Variants in TTC7A observed in about 807,000 individuals in gnomAD.
The protein encoded by TTC7A is tetratricopeptide repeat protein 7A.
Under a neutral mutation model 103.7 loss-of-function variants are expected in TTC7A, and 110 were observed. The observed-to-expected ratio is 1.06, with a 90% CI of 0.91 to 1.24. The LOEUF is 1.24. Among genes scored for constraint, TTC7A ranks in the 50% most tolerant of loss-of-function variants. The pLI is 0.00. For missense variants in TTC7A, 1,340 were observed against 1,116.3 expected, an observed-to-expected ratio of 1.20 and a Z score of -2.86; for synonymous variants, 521 against 467.9, an observed-to-expected ratio of 1.11 and a Z score of -1.47.
intron 2 of TTC7A, among the ~76,000 whole-genome samples, chr2:46,933,295 G>C (rs542350618): frequency 6.6e-5 from 10 of 152,248 alleles, no homozygotes; most frequent in Non-Finnish European, 1.3e-4. Context: ...CAATCATGAA[G>C]TGAGTGGCTG....
intron 19 of TTC7A, among the ~76,000 whole-genome samples, chr2:47,069,113 G>T (rs550051515): frequency 6.6e-6 from 1 of 152,220 alleles, no homozygotes; most frequent in East Asian, 1.9e-4. Context: ...GGAGGGCTGG[G>T]CCAGGCAGTG....
intron 15 of TTC7A, among the ~76,000 whole-genome samples, chr2:47,042,093 A>G (rs937614752): frequency 6.6e-6 from 1 of 152,072 alleles, no homozygotes; most frequent in Non-Finnish European, 1.5e-5. Flanking sequence ...CAGAGAGGAG[A>G]TGATGAATAA....
At chr2:47,011,014 C>T (rs1393185189) in intron 10 of TTC7A, among the ~76,000 whole-genome samples, 1 of 152,082 alleles carries the variant, frequency 6.6e-6, no homozygotes, top group Non-Finnish European at 1.5e-5. Context: ...TTTAGAGAGC[C>T]CCTTTCTACC....
At chr2:47,034,715 C>A (rs1297932867) in intron 15 of TTC7A, among the ~76,000 whole-genome samples, 1 of 152,202 alleles carries the variant, frequency 6.6e-6, no homozygotes, top group Non-Finnish European at 1.5e-5. Context: ...TCCCCTTCCC[C>A]TCTCCACAGT....
intron 2 of TTC7A, among the ~76,000 whole-genome samples, chr2:46,930,497 ATT>A (rs575100979): frequency 8.0e-4 from 106 of 132,018 alleles, no homozygotes; most frequent in African/African-American, 2.3e-3. Context: ...AAGTCCTATA[ATT>A]TTTTTTTTTT....
Position 46,993,600 on chromosome 2 carries a change from A to C in TTC7A, c.843+72A>C, listed in dbSNP as rs142764474. Reference sequence around the variant, plus strand: ...GGTGGGAGACAACAGAAGTCCTTGCAGGGAGCCTGTGAAGCAGGGGTGGCA... The same window carrying C: ...GGTGGGAGACAACAGAAGTCCTTGCCGGGAGCCTGTGAAGCAGGGGTGGCA... On this transcript the variant is annotated intron_variant, in intron 6 of 19. Transcript: ENST00000319190. 67 of 1,461,098 alleles carry C rather than the reference A, an allele frequency of 4.6e-5. No individual in the cohort carries two copies. The East Asian group carries it at 1.5e-3, about 32-fold the overall frequency. The allele number at this position is 1,461,098 out of a possible 1,614,324, so 90.5% of individuals were successfully genotyped here.
At chr2:46,942,238 G>T (rs1670493507) in intron 1 of TTC7A, among the ~76,000 whole-genome samples, 1 of 152,214 alleles carries the variant, frequency 6.6e-6, no homozygotes, top group Admixed American at 6.5e-5. Flanking sequence ...CCTCATCTGT[G>T]GCGATCTCGG....
At chr2:46,992,683 G>A (rs1675753082) in intron 5 of TTC7A, among the ~76,000 whole-genome samples, 1 of 152,212 alleles carries the variant, frequency 6.6e-6, no homozygotes, top group African/African-American at 2.4e-5. Context: ...GGCGCAGTGG[G>A]AGCAGTTTTT....
At chr2:46,983,278 G>A (rs951432257) in intron 5 of TTC7A, among the ~76,000 whole-genome samples, 2 of 152,224 alleles carry the variant, frequency 1.3e-5, no homozygotes. Flanking sequence ...TGGGGCTGAG[G>A]ACGGCCCGGG....
At chr2:46,987,807 CGCGTGTGTGTGT>C (rs1420714235) in intron 5 of TTC7A, among the ~76,000 whole-genome samples, 2 of 110,040 alleles carry the variant, frequency 1.8e-5, no homozygotes, top group African/African-American at 6.9e-5. Context: ...TCCCTTTCCG[CGCGTGTGTGTGT>C]GTGTGTGTGT....
rs6745836 is a variant in TTC7A at position 46,974,658 on chromosome 2, A to T, written c.518-315A>T. 333,094 of 470,228 alleles carry T rather than the reference A, an allele frequency of 0.71. 118,718 individuals carry two copies. The highest frequency in any genetic ancestry group is 0.81 in the Middle Eastern group (2,377 of 2,936). The allele number at this position is 470,228 out of a possible 1,614,324, so 29.1% of individuals were successfully genotyped here. On this transcript the variant is annotated intron_variant, in intron 3 of 19. Coordinates refer to ENST00000319190, the MANE Select transcript of TTC7A (RefSeq NM_020458.4). ...AGGAAAGAAAAAAATAAATTTTTTT[A>T]AAAAACCTCATTCTCTTTCGCTTAG...
At chr2:46,975,612 G>T (rs1673804117) in intron 4 of TTC7A, among the ~76,000 whole-genome samples, 1 of 151,816 alleles carries the variant, frequency 6.6e-6, no homozygotes, top group Non-Finnish European at 1.5e-5. Context: ...CTGTCTGCAG[G>T]GTATCAAGTA....
chr2:47,016,384 G>T (rs13427974), intron 11 of TTC7A, among the ~76,000 whole-genome samples: 1,834 of 152,316 alleles, frequency 0.012, 42 homozygotes, highest in African/African-American at 0.042. Context: ...TGGATAGGTC[G>T]CTTCAGCTCA....
At chr2:47,071,960 GC>G (rs1207376944) in intron 19 of TTC7A, among the ~76,000 whole-genome samples, 3 of 152,202 alleles carry the variant, frequency 2.0e-5, no homozygotes, top group Non-Finnish European at 4.4e-5. Flanking sequence ...GTCCTGTGTG[GC>G]TCCCTCCTGG....
chr2:46,994,195 A>T, intron 6 of TTC7A, 162 bp from the exon 7 acceptor site: 1 of 770,028 alleles, frequency 1.3e-6, no homozygotes, highest in Non-Finnish European at 2.1e-6. Context: ...GAGGGACTGA[A>T]GGAGCAAGGG....
At chr2:46,937,499 C>T (rs1670040178), upstream of TTC7A, among the ~76,000 whole-genome samples, 1 of 152,236 alleles carries the variant, frequency 6.6e-6, no homozygotes, top group South Asian at 2.1e-4. The surrounding 1 kb of genome is among the most constrained non-coding windows in gnomAD (Gnocchi z 4.0). Flanking sequence ...AGGAACATAT[C>T]ATCCAGAGCA....
At position 47,018,117 on chromosome 2, in the gene TTC7A, CAA is replaced by C. The variant is rs1345056411; in HGVS notation, c.1393-3744_1393-3743del. Among the ~76,000 whole-genome samples the C allele has an allele frequency of 3.4e-5, 5 of 149,142 alleles. No homozygotes were observed. In the East Asian group the frequency reaches 8.0e-4, roughly 24 times the overall value. ...CATGGTGAAACCCCATCTCTACAAA[CAA>C]TACAAAAATTAGCCGGGCATGGTGG... On this transcript the variant is annotated intron_variant, in intron 11 of 19. Transcript: ENST00000319190.
intron 18 of TTC7A, among the ~76,000 whole-genome samples, chr2:47,055,728 G>C (rs1023792752): frequency 5.9e-5 from 9 of 152,146 alleles, no homozygotes; most frequent in African/African-American, 1.9e-4. Context: ...CTGAGTCTCA[G>C]CTCCCCAGTG....
intron 8 of TTC7A, among the ~76,000 whole-genome samples, chr2:47,003,349 A>G (rs1677036112): frequency 6.6e-6 from 1 of 152,084 alleles, no homozygotes; most frequent in Middle Eastern, 3.4e-3. Context: ...TGAGTTAGGG[A>G]TGGTGCTGTA....
Sources: allele counts gnomAD v4.1 joint callset (sites outside exome capture counted in the v4.1 genomes callset), GRCh38; gene constraint gnomAD v4.1.1; non-coding constraint Gnocchi (gnomAD v3.1); transcripts MANE v1.5; gene names NCBI Gene and HGNC (gene_info 2026-07-23, HGNC 2026-07-21).